LRBA: variants seen among roughly 807,000 people sequenced by gnomAD.
LRBA encodes the protein lipopolysaccharide-responsive and beige-like anchor protein.
A neutral mutation model predicts 330.0 loss-of-function variants in LRBA; 176 were observed. The ratio of observed to expected loss-of-function variants is 0.53; its 90% CI spans 0.47 to 0.60. LRBA has a LOEUF of 0.60. Ranked by LOEUF, LRBA falls within the 20% of genes least tolerant of loss-of-function variation. The pLI, the probability that LRBA is intolerant of heterozygous loss-of-function variation, is 0.00. For synonymous variants in LRBA, 1,230 were observed against 1,193.0 expected (o/e 1.03, Z -0.64); for missense variants, 3,259 against 3,444.8 (o/e 0.95, Z 1.35).
In LRBA at chr4:151,014,699, T is replaced by C. The variant is rs112611352; in HGVS notation, c.-57A>G. 8.4e-7 allele frequency: 1 copy of C among 1,184,672 alleles called. No homozygotes were observed. The highest frequency in any genetic ancestry group is 1.5e-5 in the African/African-American group (1 of 66,190). The allele number at this position is 1,184,672 out of a possible 1,614,324, so 73.4% of individuals were successfully genotyped here. ...CACCCTGGGACGGCAGTCGCTGCAC[T>C]GGTAATGAGCACAACACACGCAATG... On this transcript the variant is annotated 5_prime_UTR_variant, in exon 2 of 57. Coordinates refer to ENST00000651943, the MANE Select transcript of LRBA (RefSeq NM_001364905.1).
chr4:150,582,848 G>GA, intron 40 of LRBA: 1 of 586,500 alleles, frequency 1.7e-6, no homozygotes, highest in Non-Finnish European at 2.8e-6. Context: ...GAGGGAAAAG[G>GA]AAAAAACAAG....
intron 40 of LRBA, among the ~76,000 whole-genome samples, chr4:150,552,160 T>C (rs566836754): frequency 6.6e-6 from 1 of 152,116 alleles, no homozygotes; most frequent in Non-Finnish European, 1.5e-5. Flanking sequence ...GGCACTCCTC[T>C]CCTGCTATGT....
At chr4:150,500,510 G>A (rs34852388) in intron 40 of LRBA, among the ~76,000 whole-genome samples, 15 of 152,028 alleles carry the variant, frequency 9.9e-5, no homozygotes, top group Admixed American at 7.2e-4. Flanking sequence ...CCTGGGAGGC[G>A]GAGGTTGCAG....
chr4:150,434,365 A>G (rs879527979), intron 46 of LRBA, among the ~76,000 whole-genome samples: 7 of 152,214 alleles, frequency 4.6e-5, no homozygotes, highest in Admixed American at 4.6e-4. Context: ...TTGATCTTTC[A>G]TGCATATAGA....
At chr4:150,985,028 C>T (rs902679692) in intron 2 of LRBA, among the ~76,000 whole-genome samples, 31 of 152,224 alleles carry the variant, frequency 2.0e-4, no homozygotes, top group African/African-American at 7.2e-4. Flanking sequence ...GAGGCCAAGG[C>T]GGGTGGATCA....
chr4:150,662,601 G>A (rs1781219054), intron 37 of LRBA, among the ~76,000 whole-genome samples: 1 of 152,218 alleles, frequency 6.6e-6, no homozygotes, highest in East Asian at 1.9e-4. Flanking sequence ...TTTGAAAGAA[G>A]TAGGCAAAAA....
At chr4:150,502,640 G>A (rs981085171) in intron 40 of LRBA, among the ~76,000 whole-genome samples, 2 of 152,242 alleles carry the variant, frequency 1.3e-5, no homozygotes, top group Admixed American at 6.5e-5. Flanking sequence ...ACAGAAGACG[G>A]GTGATTTCTG....
At chr4:150,720,526 G>T (rs892287402) in intron 36 of LRBA, among the ~76,000 whole-genome samples, 9 of 151,978 alleles carry the variant, frequency 5.9e-5, no homozygotes, top group Admixed American at 4.6e-4. Context: ...CATTAAAAAT[G>T]TACTTACTGG....
At chr4:150,370,707 A>G (rs1740149010) in intron 47 of LRBA, among the ~76,000 whole-genome samples, 1 of 152,200 alleles carries the variant, frequency 6.6e-6, no homozygotes, top group African/African-American at 2.4e-5. Context: ...CAGTTATAAC[A>G]CAGTAAGTGT....
intron 34 of LRBA, among the ~76,000 whole-genome samples, chr4:150,785,216 C>G (rs930150768): frequency 4.6e-5 from 7 of 151,794 alleles, no homozygotes; most frequent in Non-Finnish European, 1.0e-4. Flanking sequence ...TGAGTTAGTT[C>G]GGGGCGGGGG....
chr4:150,918,470 C>G (rs142491853), intron 5 of LRBA, among the ~76,000 whole-genome samples: 1 of 152,128 alleles, frequency 6.6e-6, no homozygotes, highest in Non-Finnish European at 1.5e-5. Context: ...AGATACTGGC[C>G]GGGCACGGTG....
chr4:150,818,500 T>C (rs879051362), intron 30 of LRBA, among the ~76,000 whole-genome samples: 3 of 151,372 alleles, frequency 2.0e-5, no homozygotes, highest in Admixed American at 6.6e-5. Flanking sequence ...ATGAAGATTA[T>C]TGACTTAAGG....
chr4:150,535,556 C>G (rs1157462317), intron 40 of LRBA, among the ~76,000 whole-genome samples: 1 of 152,132 alleles, frequency 6.6e-6, no homozygotes, highest in Non-Finnish European at 1.5e-5. Flanking sequence ...TTACAATTCA[C>G]GCAAGAACAG....
Position 150,914,335 on chromosome 4 carries a change from C to T in LRBA, c.1021G>A (p.Asp341Asn). The change falls in exon 9 of 57, where the codon GAC becomes AAC. Residue 341 changes from aspartate (D) to asparagine (N), a missense_variant. Asp to Asn is a conservative substitution (Grantham distance 23, BLOSUM62 1). Coordinates refer to ENST00000651943, the MANE Select transcript of LRBA (RefSeq NM_001364905.1). ...TCTGATGAGCCCAGGAAACATTTGTCAAAGGTCTGTAAAAGAAAAAAAAAA... is the reference window on the plus strand; with the variant it reads ...TCTGATGAGCCCAGGAAACATTTGTTAAAGGTCTGTAAAAGAAAAAAAAAA... ...TWFVNTSDTF[D>N]KCFLGSSETA... 6.9e-7 allele frequency: 1 copy of T among 1,439,840 alleles called. No homozygotes were observed. Among genetic ancestry groups the T allele is most frequent in the Non-Finnish European group, 9.2e-7 (1 of 1,086,956 alleles). The allele number at this position is 1,439,840 out of a possible 1,614,324, so 89.2% of individuals were successfully genotyped here.
chr4:150,990,438 TA>T (rs1741943462), intron 2 of LRBA, among the ~76,000 whole-genome samples: 1 of 152,032 alleles, frequency 6.6e-6, no homozygotes, highest in Admixed American at 6.6e-5. Context: ...CATCTAAAAG[TA>T]ATATTTTGCT....
chr4:150,506,485 T>G (rs1251720356), intron 40 of LRBA, among the ~76,000 whole-genome samples: 2 of 152,218 alleles, frequency 1.3e-5, no homozygotes, highest in East Asian at 1.9e-4. Flanking sequence ...ACCACATGAT[T>G]ATCTCAATAG....
chr4:150,891,978 G>A (rs1418368995), intron 17 of LRBA, among the ~76,000 whole-genome samples: 1 of 152,164 alleles, frequency 6.6e-6, no homozygotes, highest in Non-Finnish European at 1.5e-5. Context: ...TGTAGTCCCA[G>A]CTACTCAGGA....
At position 151,014,862 on chromosome 4, in the gene LRBA, C is replaced by A; in HGVS notation, c.-219-1G>T. ...CCGAGGCTGACAACAACGCCAAACC[C>A]TATTGGAAGATTAAATATATGTTAA... On this transcript the variant is annotated splice_acceptor_variant, in intron 1 of 56. Transcript: ENST00000651943. LOFTEE classifies it low-confidence loss of function (5UTR_SPLICE). The A allele has an allele frequency of 1.9e-6, 1 of 525,912 alleles. No homozygotes were observed. 32.6% of individuals were successfully genotyped at this position (525,912 alleles called of 1,614,324 possible).
intron 37 of LRBA, among the ~76,000 whole-genome samples, chr4:150,600,053 T>C (rs1397298905): frequency 6.6e-6 from 1 of 152,144 alleles, no homozygotes. Flanking sequence ...AATATATAAA[T>C]GTCAGCTTTC....
Sources: gnomAD v4.1 joint callset for allele counts (sites outside exome capture counted in the v4.1 genomes callset) on GRCh38, gnomAD v4.1.1 for gene constraint, MANE v1.5 for transcripts, NCBI Gene and HGNC (gene_info 2026-07-23, HGNC 2026-07-21) for gene names.